LYPD6: variants seen among roughly 807,000 people sequenced by gnomAD.
LYPD6 encodes LY6/PLAUR domain containing 6.
Under a neutral mutation model 22.7 loss-of-function variants are expected in LYPD6, and 15 were observed. The ratio of observed to expected loss-of-function variants is 0.66; its 90% CI spans 0.44 to 1.02. LYPD6 has a LOEUF of 1.02. Ranked by LOEUF, LYPD6 falls within the 50% of genes least tolerant of loss-of-function variation. LYPD6 has a pLI of 0.00. For missense variants in LYPD6, 189 were observed against 208.4 expected (o/e 0.91, Z 0.57); for synonymous variants, 72 against 77.5 (o/e 0.93, Z 0.37).
rs577594166 is a variant in LYPD6 at position 149,332,512 on chromosome 2, A to G, written c.-72+1790A>G. Reference sequence around the variant, plus strand: ...TTTATATGGCATATTGAAATCTACTATTAAAGTGTCTGAGGAAATCATATC... The same window carrying G: ...TTTATATGGCATATTGAAATCTACTGTTAAAGTGTCTGAGGAAATCATATC... On this transcript the variant is annotated intron_variant, in intron 1 of 4. Transcript: ENST00000334166. Among the ~76,000 whole-genome samples the G allele has an allele frequency of 4.6e-5, 7 of 152,352 alleles. No individual in the cohort carries two copies. In the East Asian group the frequency reaches 1.2e-3, roughly 25 times the overall value.
At chr2:149,332,531 T>A (rs1252560260) in intron 1 of LYPD6, among the ~76,000 whole-genome samples, 1 of 152,242 alleles carries the variant, frequency 6.6e-6, no homozygotes, top group Non-Finnish European at 1.5e-5. Context: ...TCTGAGGAAA[T>A]CATATCTTTA....
chr2:149,422,115 G>C (rs976155766), intron 1 of LYPD6, among the ~76,000 whole-genome samples: 4 of 152,138 alleles, frequency 2.6e-5, no homozygotes, highest in African/African-American at 4.8e-5. Context: ...TGAGTAACCA[G>C]GTGCCTTCTT....
intron 3 of LYPD6, among the ~76,000 whole-genome samples, chr2:149,461,407 T>G (rs1681085074): frequency 6.6e-6 from 1 of 151,834 alleles, no homozygotes; most frequent in African/African-American, 2.4e-5. Context: ...AAAACACTCA[T>G]AAAAGAACTC....
intron 3 of LYPD6, among the ~76,000 whole-genome samples, chr2:149,452,335 C>T (rs1680848999): frequency 1.3e-5 from 2 of 152,198 alleles, no homozygotes; most frequent in South Asian, 2.1e-4. Flanking sequence ...CTATTTCCCA[C>T]GAGTCTTCTG....
intron 1 of LYPD6, among the ~76,000 whole-genome samples, chr2:149,373,247 C>T (rs1681850269): frequency 1.3e-5 from 2 of 152,006 alleles, no homozygotes; most frequent in African/African-American, 4.8e-5. Flanking sequence ...CAGCTGCAGG[C>T]AAGTTTAGTT....
At chr2:149,442,913 G>A (rs1012919662) in intron 2 of LYPD6, among the ~76,000 whole-genome samples, 2 of 152,172 alleles carry the variant, frequency 1.3e-5, no homozygotes, top group Non-Finnish European at 2.9e-5. Flanking sequence ...TCTAGCCATT[G>A]AGAATGTGCA....
At chr2:149,336,437 C>T (rs935678439) in intron 1 of LYPD6, among the ~76,000 whole-genome samples, 1 of 151,192 alleles carries the variant, frequency 6.6e-6, no homozygotes, top group Non-Finnish European at 1.5e-5. Flanking sequence ...AATTCTGTTC[C>T]CATCAGCAGA....
chr2:149,429,194 C>G (rs770672333), intron 1 of LYPD6, among the ~76,000 whole-genome samples: 49 of 152,170 alleles, frequency 3.2e-4, no homozygotes, highest in Non-Finnish European at 5.4e-4. Flanking sequence ...AGTGGAATGG[C>G]ACATTACTCT....
At chr2:149,480,019 CTT>C in the LYPD6 span, among the ~76,000 whole-genome samples, 33 of 144,104 alleles carry the variant, frequency 2.3e-4, no homozygotes, top group African/African-American at 5.4e-4. Context: ...TTTTCTCTCT[CTT>C]TTTTTTTTTT....
intron 1 of LYPD6, among the ~76,000 whole-genome samples, chr2:149,391,810 A>G (rs1682316055): frequency 6.6e-6 from 1 of 152,174 alleles, no homozygotes; most frequent in Non-Finnish European, 1.5e-5. Flanking sequence ...AAATGTGGCT[A>G]TGTGCATCCC....
intron 1 of LYPD6, among the ~76,000 whole-genome samples, chr2:149,348,672 T>C (rs1681305533): frequency 6.6e-6 from 1 of 152,242 alleles, no homozygotes; most frequent in Non-Finnish European, 1.5e-5. Flanking sequence ...TCACACTATG[T>C]TGATTCTTCC....
chr2:149,424,350 T>C (rs1573796592), intron 1 of LYPD6, among the ~76,000 whole-genome samples: 1 of 152,312 alleles, frequency 6.6e-6, no homozygotes, highest in East Asian at 1.9e-4. Context: ...GCAATCATAA[T>C]AACTAATGAA....
intron 1 of LYPD6, among the ~76,000 whole-genome samples, chr2:149,367,376 T>A (rs894559273): frequency 1.1e-4 from 16 of 152,124 alleles, no homozygotes; most frequent in African/African-American, 3.9e-4. Context: ...GTGGGCCTTC[T>A]CAACATTGGA....
intron 1 of LYPD6, among the ~76,000 whole-genome samples, chr2:149,419,531 G>A (rs1037388200): frequency 1.3e-5 from 2 of 152,122 alleles, no homozygotes; most frequent in African/African-American, 4.8e-5. Context: ...GTGGCTAGTG[G>A]CTCCCAAATC....
At chr2:149,460,115 G>A (rs151224810) in intron 3 of LYPD6, among the ~76,000 whole-genome samples, 1 of 152,222 alleles carries the variant, frequency 6.6e-6, no homozygotes, top group East Asian at 1.9e-4. Flanking sequence ...AAACATTGAT[G>A]TAACCCATAG....
chr2:149,427,072 T>C lies in LYPD6; in HGVS notation c.-71-10566T>C, dbSNP rs188738083. Among the ~76,000 whole-genome samples the C allele has an allele frequency of 6.0e-4, 91 of 152,298 alleles. 1 individual carries two copies. The highest frequency in any genetic ancestry group is 2.1e-3 in the African/African-American group (86 of 41,574). On this transcript the variant is annotated intron_variant, in intron 1 of 4. Transcript: ENST00000334166. ...GAAACATGAATAAAAGAAAGGTAAA[T>C]GCATCACTCCAAATACAGAAATGAC...
chr2:149,371,667 C>T (rs1165896426), intron 1 of LYPD6, among the ~76,000 whole-genome samples: 2 of 152,156 alleles, frequency 1.3e-5, no homozygotes, highest in African/African-American at 4.8e-5. Context: ...GGAATCGTGT[C>T]GTCAGAACCC....
intron 1 of LYPD6, among the ~76,000 whole-genome samples, chr2:149,401,604 A>G (rs1409428100): frequency 6.6e-6 from 1 of 152,110 alleles, no homozygotes; most frequent in African/African-American, 2.4e-5. Flanking sequence ...TCTGGTGGAA[A>G]TCTCTACTTT....
chr2:149,361,657 T>G (rs1681574319), intron 1 of LYPD6, among the ~76,000 whole-genome samples: 1 of 152,322 alleles, frequency 6.6e-6, no homozygotes, highest in East Asian at 1.9e-4. Flanking sequence ...TATGTCTGTT[T>G]TATTCAATAG....
Sources: gnomAD v4.1 joint callset for allele counts (sites outside exome capture counted in the v4.1 genomes callset) on GRCh38, gnomAD v4.1.1 for gene constraint, MANE v1.5 for transcripts, NCBI Gene and HGNC (gene_info 2026-07-23, HGNC 2026-07-21) for gene names.